CNTNAP4: variants seen among roughly 807,000 people sequenced by gnomAD.
CNTNAP4 encodes the protein contactin associated protein family member 4.
CNTNAP4 carries 98 observed loss-of-function variants against 148.4 expected under a neutral mutation model. The observed-to-expected ratio is 0.66, with a 90% CI of 0.56 to 0.78. The LOEUF is 0.78. Among genes scored for constraint, CNTNAP4 ranks in the 30% least tolerant of loss-of-function variants. The probability of loss-of-function intolerance (pLI) is 0.00; values close to 1 mark genes in which losing one functional copy is unlikely to be tolerated. For missense variants in CNTNAP4, 1,935 were observed against 1,565.6 expected (o/e 1.24, Z -3.98); for synonymous variants, 730 against 565.1 (o/e 1.29, Z -4.14).
At chr16:76,417,555 A>C (rs924011603) in intron 3 of CNTNAP4, among the ~76,000 whole-genome samples, 18 of 151,770 alleles carry the variant, frequency 1.2e-4, no homozygotes, top group African/African-American at 3.6e-4. Context: ...TAAAAATTAA[A>C]TTCATTTAAT....
At chr16:76,481,880 G>C (rs942934415) in intron 12 of CNTNAP4, among the ~76,000 whole-genome samples, 1 of 152,140 alleles carries the variant, frequency 6.6e-6, no homozygotes, top group Admixed American at 6.6e-5. Context: ...AGTAAGTGGG[G>C]CGTAGGAAGA....
chr16:76,491,455 G>T lies in CNTNAP4; in HGVS notation c.2080+1572G>T, dbSNP rs2082218158. On this transcript the variant is annotated intron_variant, in intron 13 of 23. Transcript: ENST00000611870. ...GGGCCAATGATACCAGCCTCACAGG[G>T]TTGCAGTGATGATTGGGTGGCATAG... 3.9e-5 allele frequency among the ~76,000 whole-genome samples: 6 copies of T among 152,210 alleles called. No individual in the cohort carries two copies. The South Asian group carries it at 1.2e-3, about 31-fold the overall frequency.
At chr16:76,539,583 G>T in intron 19 of CNTNAP4, 136 bp from the exon 20 acceptor site, 2 of 700,940 alleles carry the variant, frequency 2.9e-6, no homozygotes, top group Non-Finnish European at 4.7e-6. Flanking sequence ...ACTGACTCTT[G>T]GGGATTATAA....
At chr16:76,322,429 T>G (rs1329206453) in intron 2 of CNTNAP4, among the ~76,000 whole-genome samples, 1 of 152,236 alleles carries the variant, frequency 6.6e-6, no homozygotes, top group Admixed American at 6.5e-5. Flanking sequence ...TTTCGTATTC[T>G]TTCCTGCAGA....
chr16:76,339,488 T>C (rs977877734), intron 2 of CNTNAP4, among the ~76,000 whole-genome samples: 14 of 152,152 alleles, frequency 9.2e-5, no homozygotes, highest in African/African-American at 3.1e-4. Flanking sequence ...CATTTATTCA[T>C]TGGAATTCAA....
chr16:76,457,005 A>C (rs922370412), intron 8 of CNTNAP4, among the ~76,000 whole-genome samples: 3 of 152,292 alleles, frequency 2.0e-5, no homozygotes, highest in East Asian at 3.9e-4. Flanking sequence ...ATACCTCAAT[A>C]AAATTACTAT....
intron 8 of CNTNAP4, among the ~76,000 whole-genome samples, chr16:76,454,773 T>C (rs1434284632): frequency 6.6e-6 from 1 of 152,210 alleles, no homozygotes; most frequent in East Asian, 1.9e-4. Context: ...TCAGGATGTA[T>C]TATAATGACT....
At chr16:76,537,457 A>T (rs12051186) in intron 18 of CNTNAP4, among the ~76,000 whole-genome samples, 230 of 23,398 alleles carry the variant, frequency 9.8e-3, no homozygotes, top group Non-Finnish European at 0.011. Context: ...TGTGTGTGTG[A>T]GAGAGAGAGA....
chr16:76,500,214 G>A (rs1200237825), intron 15 of CNTNAP4, among the ~76,000 whole-genome samples: 7 of 152,046 alleles, frequency 4.6e-5, no homozygotes, highest in African/African-American at 7.2e-5. Flanking sequence ...CGGACGGGGC[G>A]GCTGGCCTGG....
At chr16:76,290,973 A>T (rs1196667424) in intron 1 of CNTNAP4, among the ~76,000 whole-genome samples, 1 of 151,990 alleles carries the variant, frequency 6.6e-6, no homozygotes, top group African/African-American at 2.4e-5. Flanking sequence ...GGAGAGAGAG[A>T]GCGATATCTC....
In CNTNAP4 at chr16:76,452,626, A is replaced by G; in HGVS notation, c.1190A>G (p.Gln397Arg). 1 of 1,613,914 alleles carries G rather than the reference A, an allele frequency of 6.2e-7. No homozygotes were observed. Among genetic ancestry groups the G allele is most frequent in the South Asian group, 1.1e-5 (1 of 91,074 alleles). Residue 397 changes from glutamine to arginine, a missense_variant, in exon 8 of 24, where the codon CAA becomes CGA. Gln to Arg is a conservative substitution (Grantham distance 43). Transcript: ENST00000611870. ...GAGGAGGAGGTTTCTGCCACTTTTC[A>G]ATTTCGAACTTGGAATAAGGCAGGG... Reference protein sequence around the residue: ...SGEEEVSATFQFRTWNKAGLL... With the variant: ...SGEEEVSATFRFRTWNKAGLL...
intron 4 of CNTNAP4, among the ~76,000 whole-genome samples, chr16:76,444,074 C>G (rs923932002): frequency 5.9e-5 from 9 of 152,034 alleles, no homozygotes; most frequent in Admixed American, 2.0e-4. Flanking sequence ...GATGGTAAAA[C>G]TAGTTTCAAA....
At chr16:76,315,813 T>C (rs980247119) in intron 1 of CNTNAP4, among the ~76,000 whole-genome samples, 4 of 152,114 alleles carry the variant, frequency 2.6e-5, no homozygotes, top group Admixed American at 6.6e-5. Context: ...TAGGCTTGTC[T>C]TGAACTCCTG....
At chr16:76,398,173 C>A (rs1396312801) in intron 3 of CNTNAP4, among the ~76,000 whole-genome samples, 3 of 151,054 alleles carry the variant, frequency 2.0e-5, no homozygotes, top group Non-Finnish European at 3.0e-5. Flanking sequence ...CCAGTCTAGT[C>A]TTTCCATGTT....
At chr16:76,355,967 C>T (rs990709180) in intron 3 of CNTNAP4, among the ~76,000 whole-genome samples, 43 of 151,768 alleles carry the variant, frequency 2.8e-4, no homozygotes, top group Admixed American at 8.5e-4. Flanking sequence ...CTCTGCCTCC[C>T]GGGTTCAAGC....
intron 3 of CNTNAP4, among the ~76,000 whole-genome samples, chr16:76,361,115 G>A (rs751398251): frequency 5.3e-5 from 8 of 151,716 alleles, no homozygotes; most frequent in African/African-American, 1.5e-4. Context: ...GAGGCACCGC[G>A]CCCGGCCCAT....
rs561235994 is a variant in CNTNAP4, at chr16:76,384,353, C to G, written c.390+28842C>G. Reference sequence around the variant, plus strand: ...CACCGCGCCCAGCCAAGTTCCCAGTCTTATACAATACAACTTTACTTGTAA... The same window carrying G: ...CACCGCGCCCAGCCAAGTTCCCAGTGTTATACAATACAACTTTACTTGTAA... On this transcript the variant is annotated intron_variant, in intron 3 of 23. Coordinates refer to ENST00000611870, the MANE Select transcript of CNTNAP4 (RefSeq NM_033401.5). Among the ~76,000 whole-genome samples the G allele has an allele frequency of 3.3e-5, 5 of 152,106 alleles. No homozygotes were observed. In the South Asian group the frequency reaches 1.0e-3, roughly 32 times the overall value.
chr16:76,555,339 C>G (rs2144425123), intron 23 of CNTNAP4, among the ~76,000 whole-genome samples: 1 of 152,106 alleles, frequency 6.6e-6, no homozygotes, highest in African/African-American at 2.4e-5. Context: ...ATTTAATCAC[C>G]AAACATGCAA....
chr16:76,367,545 G>A (rs566494938), intron 3 of CNTNAP4, among the ~76,000 whole-genome samples: 1 of 152,254 alleles, frequency 6.6e-6, no homozygotes, highest in East Asian at 1.9e-4. Flanking sequence ...AGCAGCAGTG[G>A]TCTTTGGTTA....
Sources: allele counts gnomAD v4.1 joint callset (sites outside exome capture counted in the v4.1 genomes callset), GRCh38; gene constraint gnomAD v4.1.1; transcripts MANE v1.5; gene names NCBI Gene and HGNC (gene_info 2026-07-23, HGNC 2026-07-21).